Variants in TNFAIP8 observed in about 807,000 individuals in gnomAD.
TNFAIP8 encodes the protein tumor necrosis factor alpha-induced protein 8.
Under a neutral mutation model 13.3 loss-of-function variants are expected in TNFAIP8, and 7 were observed. That is an observed-to-expected ratio of 0.52 (90% CI 0.30 to 0.99). The LOEUF (loss-of-function observed/expected upper bound fraction) is 0.99. Ranked by LOEUF, TNFAIP8 falls within the 50% of genes least tolerant of loss-of-function variation. The pLI is 0.07. For synonymous variants in TNFAIP8, 94 were observed against 87.6 expected (o/e 1.07, Z -0.41); for missense variants, 258 against 236.9 (o/e 1.09, Z -0.58).
chr5:119,279,450 T>A (rs976945636), intron 1 of TNFAIP8, among the ~76,000 whole-genome samples: 2 of 152,238 alleles, frequency 1.3e-5, no homozygotes, highest in African/African-American at 4.8e-5. Flanking sequence ...GAGCTGGTCA[T>A]GCCATACCTC....
chr5:119,271,615 G>T (rs957509970), intron 1 of TNFAIP8, among the ~76,000 whole-genome samples: 20 of 152,174 alleles, frequency 1.3e-4, no homozygotes, highest in Non-Finnish European at 2.1e-4. Context: ...GAAGGGCATA[G>T]GGGCTATTAG....
intron 1 of TNFAIP8, among the ~76,000 whole-genome samples, chr5:119,368,115 A>T (rs1481276378): frequency 6.6e-6 from 1 of 152,198 alleles, no homozygotes; most frequent in African/African-American, 2.4e-5. Context: ...CAGGTACACT[A>T]CATGACTTCT....
chr5:119,356,563 A>G (rs1751429381), intron 1 of TNFAIP8, among the ~76,000 whole-genome samples: 1 of 152,110 alleles, frequency 6.6e-6, no homozygotes, highest in East Asian at 1.9e-4. Flanking sequence ...TAAAAGGGGA[A>G]GCTGAGTGAG....
At chr5:119,317,323 T>G (rs903285586) in intron 1 of TNFAIP8, among the ~76,000 whole-genome samples, 3 of 152,076 alleles carry the variant, frequency 2.0e-5, no homozygotes, top group Non-Finnish European at 4.4e-5. Context: ...GCTTTTAAAT[T>G]GTTTGGCCTG....
At chr5:119,362,490 C>G (rs1316269630) in intron 1 of TNFAIP8, among the ~76,000 whole-genome samples, 2 of 152,140 alleles carry the variant, frequency 1.3e-5, no homozygotes, top group African/African-American at 4.8e-5. Context: ...TTCTGAAGTT[C>G]AGTTTCCCCA....
chr5:119,340,047 G>A (rs1266153113), intron 1 of TNFAIP8, among the ~76,000 whole-genome samples: 1 of 152,146 alleles, frequency 6.6e-6, no homozygotes, highest in Non-Finnish European at 1.5e-5. Context: ...AAGGGTCTGG[G>A]GCAACATTCA....
Position 119,281,019 on chromosome 5 carries a change from AGCCTCTTCAGTTGGC to A in TNFAIP8, c.1+12113_1+12127del, listed in dbSNP as rs1748610372. Among the ~76,000 whole-genome samples, 4 of 152,100 alleles carry A rather than the reference AGCCTCTTCAGTTGGC, an allele frequency of 2.6e-5. No individual in the cohort carries two copies. The South Asian group carries it at 8.3e-4, about 32-fold the overall frequency. On this transcript the variant is annotated intron_variant, in intron 1 of 1. Coordinates refer to the TNFAIP8 transcript ENST00000274456. ...AATTGTCCCATCTTTGACCAATGGG[AGCCTCTTCAGTTGGC>A]CCCTAAGTCCTCCTGACCTGACCTT... is the stretch of plus-strand genomic sequence containing the variant.
chr5:119,372,398 A>G (rs1752115338), intron 1 of TNFAIP8, among the ~76,000 whole-genome samples: 1 of 152,008 alleles, frequency 6.6e-6, no homozygotes, highest in Admixed American at 6.6e-5. Context: ...CTTTCTTCAT[A>G]GAAATGATGT....
chr5:119,331,787 C>T (rs78026539), intron 1 of TNFAIP8, among the ~76,000 whole-genome samples: 3,721 of 152,232 alleles, frequency 0.024, 178 homozygotes, highest in African/African-American at 0.086. Context: ...TTCCTAGTGA[C>T]CACCTAGCCA....
intron 1 of TNFAIP8, among the ~76,000 whole-genome samples, chr5:119,296,057 T>C (rs1372187241): frequency 6.7e-6 from 1 of 149,892 alleles, no homozygotes; most frequent in East Asian, 1.9e-4. Flanking sequence ...AGATATACAA[T>C]CATGTCATCT....
intron 1 of TNFAIP8, among the ~76,000 whole-genome samples, chr5:119,299,038 T>A (rs1416605078): frequency 1.3e-5 from 2 of 152,230 alleles, no homozygotes; most frequent in Admixed American, 6.5e-5. Context: ...TTAACTTCTT[T>A]GCCTTTGGTT....
chr5:119,369,605 T>A (rs1752000588), intron 1 of TNFAIP8, among the ~76,000 whole-genome samples: 1 of 152,232 alleles, frequency 6.6e-6, no homozygotes, highest in Non-Finnish European at 1.5e-5. Flanking sequence ...AAATCATCCA[T>A]ACATTGATAT....
chr5:119,381,488 C>T (rs554459219), intron 1 of TNFAIP8, among the ~76,000 whole-genome samples: 65 of 151,996 alleles, frequency 4.3e-4, no homozygotes, highest in Non-Finnish European at 7.8e-4. Flanking sequence ...TGCAGTGAGC[C>T]ATGATTGCAC....
chr5:119,377,417 T>A (rs1037420075), intron 1 of TNFAIP8, among the ~76,000 whole-genome samples: 9 of 149,970 alleles, frequency 6.0e-5, no homozygotes, highest in South Asian at 2.1e-4. Context: ...AAAAAAAAAA[T>A]AAAAAATAAA....
chr5:119,373,539 G>C (rs937036466), intron 1 of TNFAIP8, among the ~76,000 whole-genome samples: 11 of 152,178 alleles, frequency 7.2e-5, no homozygotes, highest in African/African-American at 2.7e-4. Flanking sequence ...TTTCAGTCTA[G>C]AGGAGTTAAC....
chr5:119,382,335 C>T (rs775560372), intron 1 of TNFAIP8, among the ~76,000 whole-genome samples: 3 of 152,178 alleles, frequency 2.0e-5, no homozygotes, highest in Admixed American at 6.5e-5. Flanking sequence ...CATCTATCCC[C>T]GGACCAGTCC....
chr5:119,351,794 T>C (rs971512522), upstream of TNFAIP8, among the ~76,000 whole-genome samples: 1 of 134,286 alleles, frequency 7.4e-6, no homozygotes, highest in South Asian at 2.2e-4. Context: ...TTTTCTTTTT[T>C]TCTTTTTTTT....
chr5:119,295,069 A>T (rs368036919), intron 1 of TNFAIP8, among the ~76,000 whole-genome samples: 4 of 151,646 alleles, frequency 2.6e-5, no homozygotes, highest in African/African-American at 9.7e-5. Context: ...GTCAATTTTG[A>T]ATTTTGTTGC....
At chr5:119,276,155 T>C (rs548511285) in intron 1 of TNFAIP8, among the ~76,000 whole-genome samples, 17 of 151,896 alleles carry the variant, frequency 1.1e-4, no homozygotes, top group African/African-American at 4.1e-4. Context: ...TCTTGCTCTG[T>C]CTCCCAGGCT....
Sources: allele counts gnomAD v4.1 joint callset (sites outside exome capture counted in the v4.1 genomes callset), GRCh38; gene constraint gnomAD v4.1.1; transcripts MANE v1.5; gene names NCBI Gene and HGNC (gene_info 2026-07-23, HGNC 2026-07-21).